The following VSNL1 variants were observed in gnomAD, a reference collection of about 807,000 sequenced individuals.
VSNL1 encodes visinin-like protein 1.
VSNL1 carries 6 observed loss-of-function variants against 20.4 expected under a neutral mutation model. The ratio of observed to expected loss-of-function variants is 0.29; its 90% CI spans 0.16 to 0.58. The LOEUF (loss-of-function observed/expected upper bound fraction) is 0.58, where lower values mean the gene tolerates loss of function less well. VSNL1 is among the 20% of genes least tolerant of loss of function. VSNL1 has a pLI of 0.90. For synonymous variants in VSNL1, 93 were observed against 86.4 expected (o/e 1.08, Z -0.42); for missense variants, 100 against 234.5 (o/e 0.43, Z 3.75).
At chr2:17,594,795 T>A (rs1664675834) in intron 2 of VSNL1, among the ~76,000 whole-genome samples, 1 of 152,206 alleles carries the variant, frequency 6.6e-6, no homozygotes, top group Admixed American at 6.5e-5. Flanking sequence ...AGGAGCAGGA[T>A]AATGGGAGTG....
chr2:17,649,743 C>A lies in VSNL1; in HGVS notation c.378+118C>A. The stretch of plus-strand genomic sequence containing the variant: ...CTGCTCGAGCCCTGCCAGCTGCACA[C>A]CACGCCTGGACTTCTCCTGCTTCTG... On this transcript the variant is annotated intron_variant, in intron 3 of 3. Coordinates refer to ENST00000295156, the MANE Select transcript of VSNL1 (RefSeq NM_003385.5). This position sits in a 1 kb window ranked among gnomAD's most constrained non-coding sequence, Gnocchi z 6.4. 3.2e-6 allele frequency: 3 copies of A among 952,342 alleles called. No individual in the cohort carries two copies. Among genetic ancestry groups the A allele is most frequent in the Middle Eastern group, 6.6e-4 (2 of 3,028 alleles). 59.0% of individuals were successfully genotyped at this position (952,342 alleles called of 1,614,324 possible).
chr2:17,586,371 T>G (rs1180920080), intron 1 of VSNL1, among the ~76,000 whole-genome samples: 1 of 152,230 alleles, frequency 6.6e-6, no homozygotes, highest in African/African-American at 2.4e-5. Context: ...GCTGTATTTT[T>G]AAGGAAGAAC....
chr2:17,609,786 C>T (rs1572363379), intron 2 of VSNL1, among the ~76,000 whole-genome samples: 1 of 152,160 alleles, frequency 6.6e-6, no homozygotes, highest in Non-Finnish European at 1.5e-5. Flanking sequence ...AAGGTCCCAC[C>T]AATTGATCAC....
intron 2 of VSNL1, among the ~76,000 whole-genome samples, chr2:17,628,308 G>A (rs1665555710): frequency 6.6e-6 from 1 of 152,218 alleles, no homozygotes; most frequent in Non-Finnish European, 1.5e-5. Flanking sequence ...GCAGAGGAGT[G>A]TGAAGAATTT....
At chr2:17,556,840 T>C (rs545889353) in intron 1 of VSNL1, among the ~76,000 whole-genome samples, 3 of 152,264 alleles carry the variant, frequency 2.0e-5, no homozygotes, top group African/African-American at 7.2e-5. Flanking sequence ...AGAGATGGAA[T>C]AGGAAGGTGA....
At chr2:17,545,913 T>C (rs1663395635) in intron 1 of VSNL1, 1 of 152,090 alleles carries the variant, frequency 6.6e-6, no homozygotes. Flanking sequence ...TCTCCACCTC[T>C]TTACTTAATT....
chr2:17,549,693 C>T (rs1663482430), intron 1 of VSNL1, among the ~76,000 whole-genome samples: 2 of 152,204 alleles, frequency 1.3e-5, no homozygotes, highest in Admixed American at 1.3e-4. Context: ...CTAAATCCCA[C>T]TCTTCGATAT....
intron 1 of VSNL1, among the ~76,000 whole-genome samples, chr2:17,545,424 A>T (rs1663385157): frequency 6.6e-6 from 1 of 152,166 alleles, no homozygotes; most frequent in African/African-American, 2.4e-5. Context: ...GTCTCTTAAT[A>T]AGTAAAAAGA....
intron 2 of VSNL1, among the ~76,000 whole-genome samples, chr2:17,602,295 T>G (rs957650036): frequency 2.0e-5 from 3 of 152,228 alleles, no homozygotes; most frequent in Admixed American, 6.5e-5. Flanking sequence ...AGCTTGTGGC[T>G]CCATTCTCAT....
rs540009529 is a variant in VSNL1 at position 17,591,944 on chromosome 2, G to A, written c.-5-126G>A. 9 of 938,214 alleles carry A rather than the reference G, an allele frequency of 9.6e-6. No homozygotes were observed. The Admixed American group carries it at 2.0e-4, about 21-fold the overall frequency. 58.1% of individuals were successfully genotyped at this position (938,214 alleles called of 1,614,324 possible). On this transcript the variant is annotated intron_variant, in intron 1 of 3. Coordinates refer to ENST00000295156, the MANE Select transcript of VSNL1 (RefSeq NM_003385.5). Reference sequence around the variant, plus strand: ...AAGTAGAAGGAGGCAGACTTGGGAAGATATGCATCAGCCACACTGGAGGGA... The same window carrying A: ...AAGTAGAAGGAGGCAGACTTGGGAAAATATGCATCAGCCACACTGGAGGGA...
chr2:17,559,947 C>T (rs1303642673), intron 1 of VSNL1, among the ~76,000 whole-genome samples: 3 of 151,736 alleles, frequency 2.0e-5, no homozygotes, highest in Non-Finnish European at 4.4e-5. Context: ...ATTCAAGTAA[C>T]AACAAAAATT....
chr2:17,625,783 G>A (rs1665495957), intron 2 of VSNL1, among the ~76,000 whole-genome samples: 1 of 151,622 alleles, frequency 6.6e-6, no homozygotes, highest in Non-Finnish European at 1.5e-5. Flanking sequence ...ATAGAGAAAA[G>A]GGAATTTCAG....
At chr2:17,624,831 A>G (rs1289622697) in intron 2 of VSNL1, among the ~76,000 whole-genome samples, 1 of 152,240 alleles carries the variant, frequency 6.6e-6, no homozygotes, top group Non-Finnish European at 1.5e-5. Context: ...CTTTAAACCA[A>G]AATGGTCGAG....
rs773506116 is a variant in VSNL1 at position 17,649,394 on chromosome 2, G to A, written c.163-16G>A. On this transcript the variant is annotated splice_polypyrimidine_tract_variant and intron_variant, in intron 2 of 3. Transcript: ENST00000295156. The surrounding 1 kb of genome is among the most constrained non-coding windows in gnomAD (Gnocchi z 6.4). The stretch of plus-strand genomic sequence containing the variant: ...ATCCCCTCCCGACACCTGACTGCGC[G>A]TGTTCTCCTTTGCAGTTCTTTCCTT... 2.0e-5 allele frequency: 32 copies of A among 1,613,372 alleles called. No individual in the cohort carries two copies. Among genetic ancestry groups the A allele is most frequent in the East Asian group, 1.1e-4 (5 of 44,882 alleles).
chr2:17,573,270 A>C (rs1216683700), intron 1 of VSNL1, among the ~76,000 whole-genome samples: 1 of 152,224 alleles, frequency 6.6e-6, no homozygotes, highest in Admixed American at 6.5e-5. Flanking sequence ...AGAAAGGCAT[A>C]AACAAGATCA....
At chr2:17,551,334 T>C (rs570145248) in intron 1 of VSNL1, among the ~76,000 whole-genome samples, 2 of 152,182 alleles carry the variant, frequency 1.3e-5, no homozygotes, top group African/African-American at 4.8e-5. Context: ...AAGGAAAGAC[T>C]GAATTGGTAT....
At chr2:17,578,052 A>G (rs1664258705) in intron 1 of VSNL1, among the ~76,000 whole-genome samples, 1 of 152,244 alleles carries the variant, frequency 6.6e-6, no homozygotes, top group Non-Finnish European at 1.5e-5. Context: ...GCACTTGATC[A>G]TATAAGCTGT....
intron 2 of VSNL1, among the ~76,000 whole-genome samples, chr2:17,607,754 A>G (rs1356503180): frequency 6.6e-6 from 1 of 152,256 alleles, no homozygotes; most frequent in Non-Finnish European, 1.5e-5. Context: ...ATAATAAATT[A>G]ACAAATGAAT....
At position 17,655,076 on chromosome 2, in the gene VSNL1, G is replaced by T; in HGVS notation, c.379-121G>T. The T allele has an allele frequency of 1.0e-6, 1 of 980,874 alleles. No individual in the cohort carries two copies. Among genetic ancestry groups the T allele is most frequent in the East Asian group, 2.5e-5 (1 of 39,428 alleles). 60.8% of individuals were successfully genotyped at this position (980,874 alleles called of 1,614,324 possible). A position where few individuals can be genotyped will look rare whatever the true frequency, so the allele number is the denominator to read the frequency against. On this transcript the variant is annotated intron_variant, in intron 3 of 3. Transcript: ENST00000295156. This position sits in a 1 kb window ranked among gnomAD's most constrained non-coding sequence, Gnocchi z 5.2. ...CAGCACAAGGAGTGAAACTCCTCTGGGGAAAGGGAAGCTGAGGCTTGGAGG... is the reference window on the plus strand; with the variant it reads ...CAGCACAAGGAGTGAAACTCCTCTGTGGAAAGGGAAGCTGAGGCTTGGAGG...
Sources: gnomAD v4.1 joint callset for allele counts (sites outside exome capture counted in the v4.1 genomes callset) on GRCh38, gnomAD v4.1.1 for gene constraint, Gnocchi (gnomAD v3.1) non-coding constraint, MANE v1.5 for transcripts, NCBI Gene and HGNC (gene_info 2026-07-23, HGNC 2026-07-21) for gene names.